The following TNR variants were observed in gnomAD, a reference collection of about 807,000 sequenced individuals.
The protein encoded by TNR is tenascin R, also known as tenascin-R.
A neutral mutation model predicts 150.4 loss-of-function variants in TNR; 45 were observed. The ratio of observed to expected loss-of-function variants is 0.30; its 90% CI spans 0.24 to 0.38. TNR has a LOEUF of 0.38. Among genes scored for constraint, TNR ranks in the 10% least tolerant of loss-of-function variants. TNR has a pLI of 1.00. For synonymous variants in TNR, 687 were observed against 678.4 expected (o/e 1.01, Z -0.20); for missense variants, 1,544 against 1,759.1 (o/e 0.88, Z 2.19).
chr1:175,520,467 T>A (rs1659592241), intron 2 of TNR, among the ~76,000 whole-genome samples: 1 of 152,174 alleles, frequency 6.6e-6, no homozygotes, highest in Non-Finnish European at 1.5e-5. Context: ...AGCCACATAC[T>A]CGTATATTCA....
chr1:175,440,741 G>A (rs1280135169), intron 2 of TNR, among the ~76,000 whole-genome samples: 1 of 152,086 alleles, frequency 6.6e-6, no homozygotes, highest in African/African-American at 2.4e-5. Context: ...GATTCAGTAA[G>A]ATCTGTTAGT....
At chr1:175,333,189 T>A (rs190308265) in intron 20 of TNR, 3 of 152,316 alleles carry the variant, frequency 2.0e-5, no homozygotes, top group African/African-American at 7.2e-5. Context: ...ATTTTTGAGG[T>A]TTTCTTTTTT....
chr1:175,633,996 T>TGATGATGATGATGATGAC (rs1164160816), intron 1 of TNR, among the ~76,000 whole-genome samples: 2 of 133,840 alleles, frequency 1.5e-5, no homozygotes, highest in Non-Finnish European at 3.1e-5. Context: ...AGGACTGGGA[T>TGATGATGATGATGATGAC]GATGATGATG....
In TNR at chr1:175,477,366, CT is replaced by C. The variant is rs1477950154; in HGVS notation, c.-64+50902del. ...AAATTTTCTGGGTTGTAACATTTAT[CT>C]TTTTGAAGAGCTTCCTTCCTATAAC... On this transcript the variant is annotated intron_variant, in intron 2 of 22. Transcript: ENST00000367674. Among the ~76,000 whole-genome samples, 13 of 152,230 alleles carry C rather than the reference CT, an allele frequency of 8.5e-5. No individual in the cohort carries two copies. In the East Asian group the frequency reaches 2.5e-3, roughly 29 times the overall value.
intron 2 of TNR, among the ~76,000 whole-genome samples, chr1:175,480,779 T>G (rs1296706336): frequency 6.6e-6 from 1 of 152,216 alleles, no homozygotes; most frequent in Non-Finnish European, 1.5e-5. Flanking sequence ...TGCCTTTTTT[T>G]CTGACCTCCC....
At chr1:175,438,362 A>ATTT in intron 2 of TNR, among the ~76,000 whole-genome samples, 1 of 152,334 alleles carries the variant, frequency 6.6e-6, no homozygotes, top group East Asian at 1.9e-4. Flanking sequence ...TAAATTAGGT[A>ATTT]TTGATGGGAC....
intron 1 of TNR, among the ~76,000 whole-genome samples, chr1:175,742,147 G>C (rs1174810261): frequency 1.3e-5 from 2 of 152,334 alleles, no homozygotes; most frequent in Middle Eastern, 3.4e-3. Flanking sequence ...AGCAGATGCA[G>C]GGAATTGACT....
chr1:175,356,133 A>G (rs982742886), intron 16 of TNR, among the ~76,000 whole-genome samples, 186 bp downstream of exon 16: 2 of 152,110 alleles, frequency 1.3e-5, no homozygotes, highest in South Asian at 4.1e-4. Context: ...GAAAACAGAC[A>G]TGTCTCTGCT....
intron 2 of TNR, among the ~76,000 whole-genome samples, chr1:175,435,050 G>A (rs1655439775): frequency 6.6e-6 from 1 of 152,154 alleles, no homozygotes; most frequent in Non-Finnish European, 1.5e-5. Flanking sequence ...AGCTCCTTAA[G>A]GACAAGGACT....
intron 5 of TNR, 147 bp downstream of exon 5, chr1:175,396,397 T>G (rs923317800): frequency 6.0e-6 from 6 of 993,346 alleles, no homozygotes; most frequent in Non-Finnish European, 8.7e-6. Context: ...CCTTTCTAAA[T>G]GGGTCACATC....
In TNR at chr1:175,321,212, A is replaced by C. The variant is rs1461930296; in HGVS notation, c.*2145T>G. 1 of 152,216 alleles carries C rather than the reference A, an allele frequency of 6.6e-6. No homozygotes were observed. Among genetic ancestry groups the C allele is most frequent in the Non-Finnish European group, 1.5e-5 (1 of 68,050 alleles). The allele number at this position is 152,216 out of a possible 1,614,324, so 9.4% of individuals were successfully genotyped here. A position where few individuals can be genotyped will look rare whatever the true frequency, so the allele number is the denominator to read the frequency against. On this transcript the variant is annotated 3_prime_UTR_variant, in exon 23 of 23. Coordinates refer to ENST00000367674, the MANE Select transcript of TNR (RefSeq NM_003285.3). ...TGTTGAAGCCCATGGTTAACTGAGA[A>C]ATGCAAGTGGTGCCTAGGTTTTTCA...
chr1:175,480,194 T>C (rs925062813), intron 2 of TNR, among the ~76,000 whole-genome samples: 3 of 151,890 alleles, frequency 2.0e-5, no homozygotes, highest in African/African-American at 7.3e-5. Context: ...GGATGTGCCC[T>C]GAATCCTGTG....
At chr1:175,375,276 G>A (rs996215913) in intron 9 of TNR, among the ~76,000 whole-genome samples, 4 of 151,888 alleles carry the variant, frequency 2.6e-5, no homozygotes, top group African/African-American at 9.7e-5. Context: ...AACACTCAAG[G>A]ACCCCTTTGG....
At chr1:175,552,995 A>G (rs1165629655) in intron 1 of TNR, among the ~76,000 whole-genome samples, 1 of 152,162 alleles carries the variant, frequency 6.6e-6, no homozygotes, top group African/African-American at 2.4e-5. Context: ...GAGAACCATG[A>G]GGCACCCAGG....
chr1:175,431,879 T>C (rs1220658016), intron 2 of TNR, among the ~76,000 whole-genome samples: 1 of 96,758 alleles, frequency 1.0e-5, no homozygotes, highest in African/African-American at 4.9e-5. Context: ...GGGGGCTGTC[T>C]GCATTCATTT....
At chr1:175,526,704 A>G (rs968260234) in intron 2 of TNR, among the ~76,000 whole-genome samples, 1 of 152,244 alleles carries the variant, frequency 6.6e-6, no homozygotes, top group African/African-American at 2.4e-5. Flanking sequence ...CTTCAAATGC[A>G]TGGGAAATGA....
chr1:175,411,626 C>T (rs1449486762), intron 2 of TNR, among the ~76,000 whole-genome samples: 5 of 151,472 alleles, frequency 3.3e-5, no homozygotes, highest in African/African-American at 1.2e-4. Context: ...TGCATCACTC[C>T]CGTCTGTGCC....
At chr1:175,395,322 G>A (rs1013557791) in intron 5 of TNR, among the ~76,000 whole-genome samples, 1 of 152,050 alleles carries the variant, frequency 6.6e-6, no homozygotes, top group Admixed American at 6.6e-5. Flanking sequence ...AACTTTCGTG[G>A]CATTTGTTAC....
intron 1 of TNR, among the ~76,000 whole-genome samples, chr1:175,636,316 A>C: frequency 6.6e-6 from 1 of 152,188 alleles, no homozygotes; most frequent in Non-Finnish European, 1.5e-5. Flanking sequence ...TCCTTTACAC[A>C]TATAAGCACA....
Sources: gnomAD v4.1 joint callset for allele counts (sites outside exome capture counted in the v4.1 genomes callset) on GRCh38, gnomAD v4.1.1 for gene constraint, MANE v1.5 for transcripts, NCBI Gene and HGNC (gene_info 2026-07-23, HGNC 2026-07-21) for gene names.